Variants in PHKB observed in about 807,000 individuals in gnomAD.
PHKB encodes phosphorylase kinase regulatory subunit beta, also known as phosphorylase b kinase regulatory subunit beta.
In PHKB, 122 loss-of-function variants were observed where a neutral mutation model predicts 152.1. That is an observed-to-expected ratio of 0.80 (90% CI 0.69 to 0.93). The LOEUF (loss-of-function observed/expected upper bound fraction) is 0.93. Among genes scored for constraint, PHKB ranks in the 40% least tolerant of loss-of-function variants. PHKB has a pLI of 0.00. For synonymous variants in PHKB, 436 were observed against 464.9 expected (o/e 0.94, Z 0.80); for missense variants, 1,304 against 1,328.4 (o/e 0.98, Z 0.29).
intron 14 of PHKB, among the ~76,000 whole-genome samples, chr16:47,630,175 A>T (rs1346137410): frequency 4.6e-5 from 7 of 151,862 alleles, no homozygotes; most frequent in South Asian, 4.2e-4. Context: ...AAAGTATATA[A>T]AAAAAAAGAA....
chr16:47,694,662 G>A (rs570402310), intron 28 of PHKB, among the ~76,000 whole-genome samples: 1 of 152,296 alleles, frequency 6.6e-6, no homozygotes, highest in Admixed American at 6.5e-5. Context: ...TCAGTGCAGG[G>A]CCCAGCCCTC....
At chr16:47,596,790 A>G (rs1567320848) in intron 13 of PHKB, among the ~76,000 whole-genome samples, 3 of 152,168 alleles carry the variant, frequency 2.0e-5, no homozygotes, top group Admixed American at 1.3e-4. Context: ...CTTACTATAT[A>G]GGTTTCCTGC....
chr16:47,634,057 A>G (rs1259888895), intron 14 of PHKB, among the ~76,000 whole-genome samples: 3 of 152,170 alleles, frequency 2.0e-5, no homozygotes, highest in Non-Finnish European at 4.4e-5. Context: ...GCATTGATAG[A>G]TGGCTAATTT....
At chr16:47,603,853 A>T (rs1253190781) in intron 13 of PHKB, among the ~76,000 whole-genome samples, 1 of 152,020 alleles carries the variant, frequency 6.6e-6, no homozygotes, top group Non-Finnish European at 1.5e-5. Context: ...CCTCTTACAA[A>T]CATCATCCTA....
chr16:47,692,859 T>C (rs1974085858), intron 27 of PHKB, among the ~76,000 whole-genome samples: 1 of 152,196 alleles, frequency 6.6e-6, no homozygotes, highest in South Asian at 2.1e-4. Flanking sequence ...AGCAAACTTC[T>C]ATAAGGTTTA....
chr16:47,571,925 G>T (rs1411022378), intron 7 of PHKB, among the ~76,000 whole-genome samples: 1 of 152,100 alleles, frequency 6.6e-6, no homozygotes, highest in East Asian at 1.9e-4. Context: ...CCATTCCCAT[G>T]GGAATGGTGA....
chr16:47,541,395 A>G (rs1365664943), intron 6 of PHKB, among the ~76,000 whole-genome samples: 1 of 152,160 alleles, frequency 6.6e-6, no homozygotes, highest in Admixed American at 6.5e-5. Flanking sequence ...CCAGTCTATC[A>G]TTGATGGACA....
chr16:47,653,209 A>T (rs2151732947), intron 20 of PHKB, among the ~76,000 whole-genome samples: 1 of 152,314 alleles, frequency 6.6e-6, no homozygotes, highest in East Asian at 1.9e-4. Flanking sequence ...TCCTGAAAGC[A>T]GGGTGGAGGA....
chr16:47,635,596 C>T (rs895587074), intron 14 of PHKB, among the ~76,000 whole-genome samples: 14 of 152,128 alleles, frequency 9.2e-5, no homozygotes, highest in Non-Finnish European at 1.8e-4. Flanking sequence ...CAGTTTTGTC[C>T]ACAGTAATCT....
chr16:47,699,334 C>A lies in PHKB; in HGVS notation c.3250C>A (p.Pro1084Thr). Residue 1084 changes from proline (P) to threonine (T), a missense_variant, in exon 31 of 31, where the codon CCA becomes ACA. By Grantham distance (38) the Pro-to-Thr change is conservative (BLOSUM62 -1). Transcript: ENST00000323584. ...MNLLLEGEVK[P>T]NNDDPCLIS is the part of the protein sequence containing the mutation. ...TCTGCTGCTGGAAGGAGAAGTCAAGCCAAACAATGATGACCCGTGTCTGAT... is the reference window on the plus strand; with the variant it reads ...TCTGCTGCTGGAAGGAGAAGTCAAGACAAACAATGATGACCCGTGTCTGAT... The A allele has an allele frequency of 6.2e-7, 1 of 1,614,114 alleles. No individual in the cohort carries two copies. The highest frequency in any genetic ancestry group is 1.1e-5 in the South Asian group (1 of 91,080).
Position 47,665,719 on chromosome 16 carries a change from C to G in PHKB, c.2427+744C>G, listed in dbSNP as rs115003697. The G allele has an allele frequency of 1.1e-3, 645 of 607,024 alleles. 4 individuals carry two copies. In the African/African-American group the frequency reaches 0.011, roughly 10 times the overall value. 37.6% of individuals were successfully genotyped at this position (607,024 alleles called of 1,614,324 possible). A position where few individuals can be genotyped will look rare whatever the true frequency, so the allele number is the denominator to read the frequency against. The stretch of plus-strand genomic sequence containing the variant: ...GTCATCAATAATATTTTTGTCACAG[C>G]TTGGTGGCAGGGATGAGGTGGAGGG... On this transcript the variant is annotated intron_variant, in intron 25 of 30. Transcript: ENST00000323584.
At chr16:47,503,994 G>T (rs944423886) in intron 4 of PHKB, among the ~76,000 whole-genome samples, 6 of 152,168 alleles carry the variant, frequency 3.9e-5, no homozygotes, top group Non-Finnish European at 5.9e-5. Context: ...TATAGTAAGT[G>T]CCCATACGTG....
At position 47,671,760 on chromosome 16, in the gene PHKB, C is replaced by T. The variant is rs116060627; in HGVS notation, c.2630+2343C>T. Among the ~76,000 whole-genome samples the T allele has an allele frequency of 7.6e-3, 1,156 of 152,240 alleles. 20 individuals carry two copies. Among genetic ancestry groups the T allele is most frequent in the African/African-American group, 0.026 (1,092 of 41,556 alleles). On this transcript the variant is annotated intron_variant, in intron 26 of 30. Coordinates refer to ENST00000323584, the MANE Select transcript of PHKB (RefSeq NM_000293.3). ...GCAGCAGTCTTCCTTTCAGCATTAT[C>T]CGAAATAGTGAAACATTGCGAACAA... is the stretch of plus-strand genomic sequence containing the variant.
Position 47,596,479 on chromosome 16 carries a change from T to C in PHKB, c.1311T>C (p.Asp437=). The part of the protein sequence containing the change: ...QKRFPSNCGR[D]GKLFLWGQAL... ...GATTTCCTAGCAACTGTGGCCGTGA[T>C]GGAAAACTGTTTCTTTGGGGACAAG... is the stretch of plus-strand genomic sequence containing the variant. Residue 437 remains aspartate (D), a synonymous_variant, in exon 13 of 31, where the codon GAT becomes GAC. Coordinates refer to ENST00000323584, the MANE Select transcript of PHKB (RefSeq NM_000293.3). The C allele has an allele frequency of 6.2e-7, 1 of 1,614,022 alleles. No individual in the cohort carries two copies. The highest frequency in any genetic ancestry group is 1.1e-5 in the South Asian group (1 of 91,080).
At chr16:47,575,469 G>C (rs1375469905) in intron 7 of PHKB, among the ~76,000 whole-genome samples, 1 of 152,268 alleles carries the variant, frequency 6.6e-6, no homozygotes, top group Middle Eastern at 3.4e-3. Flanking sequence ...ATCAACAGAT[G>C]ATTGGATAAA....
chr16:47,585,389 C>A (rs570418929), intron 8 of PHKB, among the ~76,000 whole-genome samples: 1 of 152,282 alleles, frequency 6.6e-6, no homozygotes, highest in African/African-American at 2.4e-5. Context: ...TCATGTTATG[C>A]AAAGTGTTCA....
At chr16:47,693,141 A>C (rs796623416) in intron 27 of PHKB, among the ~76,000 whole-genome samples, 7 of 152,366 alleles carry the variant, frequency 4.6e-5, no homozygotes, top group African/African-American at 1.7e-4. Flanking sequence ...GCTTACTTAC[A>C]GGATAACATT....
chr16:47,696,401 G>A lies in PHKB; in HGVS notation c.2916G>A (p.Met972Ile). The change falls in exon 29 of 31, where the codon ATG (methionine) becomes ATA (isoleucine). Residue 972 changes from methionine to isoleucine, a missense_variant. Transcript: ENST00000323584. The part of the protein sequence containing the change: ...HLPQQPTLSD[M>I]TMYEMNFSLL... Reference sequence around the variant, plus strand: ...TTCAGCAACCAACCCTGTCAGATATGACCATGTATGAGATGAATTTCTCTC... The same window carrying A: ...TTCAGCAACCAACCCTGTCAGATATAACCATGTATGAGATGAATTTCTCTC... 1 of 1,604,492 alleles carries A rather than the reference G, an allele frequency of 6.2e-7. No individual in the cohort carries two copies. The highest frequency in any genetic ancestry group is 8.5e-7 in the Non-Finnish European group (1 of 1,171,248).
At position 47,461,371 on chromosome 16, in the gene PHKB, C is replaced by CA; in HGVS notation, c.22dup (p.Thr8AsnfsTer23). The CA allele has an allele frequency of 1.9e-6, 3 of 1,612,060 alleles. No homozygotes were observed. Among genetic ancestry groups the CA allele is most frequent in the Non-Finnish European group, 1.7e-6 (2 of 1,179,580 alleles). On this transcript the variant is annotated frameshift_variant, in exon 1 of 31. Transcript: ENST00000323584. LOFTEE classifies it high-confidence loss of function. ...GCGCGATGGCGGGGGCGGCGGGACT[C>CA]ACGGCAGAAGTGAGCTGGAAGGTCT...
Sources: allele counts gnomAD v4.1 joint callset (sites outside exome capture counted in the v4.1 genomes callset), GRCh38; gene constraint gnomAD v4.1.1; transcripts MANE v1.5; gene names NCBI Gene and HGNC (gene_info 2026-07-23, HGNC 2026-07-21).